ULK4: variants seen among roughly 807,000 people sequenced by gnomAD.
The protein encoded by ULK4 is unc-51 like kinase 4, also known as inactive serine/threonine-protein kinase ULK4.
Under a neutral mutation model 160.6 loss-of-function variants are expected in ULK4, and 133 were observed. That is an observed-to-expected ratio of 0.83 (90% CI 0.72 to 0.96). The LOEUF is 0.96. Among genes scored for constraint, ULK4 ranks in the 40% least tolerant of loss-of-function variants. The probability of loss-of-function intolerance (pLI) is 0.00; values close to 1 mark genes in which losing one functional copy is unlikely to be tolerated. For missense variants in ULK4, 1,580 were observed against 1,499.5 expected (o/e 1.05, Z -0.89); for synonymous variants, 534 against 539.8 (o/e 0.99, Z 0.15).
At chr3:41,646,654 T>A (rs1185278999) in intron 30 of ULK4, among the ~76,000 whole-genome samples, 2 of 152,216 alleles carry the variant, frequency 1.3e-5, no homozygotes, top group South Asian at 4.1e-4. Context: ...CTATGGTGAA[T>A]CTGACAATTA....
chr3:41,706,900 T>TAGAGACAG (rs2036920796), intron 25 of ULK4, among the ~76,000 whole-genome samples: 4 of 136,382 alleles, frequency 2.9e-5, no homozygotes, highest in African/African-American at 1.2e-4. Flanking sequence ...TATATATATA[T>TAGAGACAG]AGAGAGAGAG....
intron 35 of ULK4, among the ~76,000 whole-genome samples, chr3:41,374,861 A>G (rs1275559557): frequency 6.6e-6 from 1 of 152,254 alleles, no homozygotes; most frequent in Non-Finnish European, 1.5e-5. Flanking sequence ...CCGTTTGCAC[A>G]TGACATGACT....
intron 1 of ULK4, among the ~76,000 whole-genome samples, chr3:41,957,503 A>G (rs75349092): frequency 6.6e-6 from 1 of 151,556 alleles, no homozygotes; most frequent in Non-Finnish European, 1.5e-5. Context: ...CTGGAAAGAT[A>G]TGTTAGACTA....
chr3:41,720,368 C>G (rs531322492), intron 22 of ULK4, among the ~76,000 whole-genome samples: 1 of 152,204 alleles, frequency 6.6e-6, no homozygotes, highest in East Asian at 1.9e-4. Flanking sequence ...TTTCTTAATT[C>G]TGCTATTTAG....
intron 35 of ULK4, among the ~76,000 whole-genome samples, chr3:41,383,928 C>A (rs1015915936): frequency 9.2e-5 from 14 of 152,184 alleles, no homozygotes; most frequent in Admixed American, 9.2e-4. Context: ...TCCCCTCAGG[C>A]ATTAAAATTA....
intron 30 of ULK4, among the ~76,000 whole-genome samples, chr3:41,659,105 T>C (rs1346263329): frequency 1.3e-5 from 2 of 152,188 alleles, no homozygotes; most frequent in Non-Finnish European, 1.5e-5. Context: ...AACCTGTTTA[T>C]TTATTTATTT....
intron 35 of ULK4, among the ~76,000 whole-genome samples, chr3:41,377,617 G>GA (rs2081537041): frequency 6.9e-6 from 1 of 145,178 alleles, no homozygotes; most frequent in South Asian, 2.3e-4. Flanking sequence ...AAAAACACAT[G>GA]AAAAAATGCT....
chr3:41,497,929 A>T (rs560516499), intron 32 of ULK4, among the ~76,000 whole-genome samples: 62 of 152,286 alleles, frequency 4.1e-4, no homozygotes, highest in African/African-American at 1.5e-3. Context: ...TGATATAACT[A>T]ATTAGATAGA....
intron 35 of ULK4, among the ~76,000 whole-genome samples, chr3:41,314,735 GA>G (rs1406503455): frequency 4.6e-5 from 7 of 152,140 alleles, no homozygotes; most frequent in Non-Finnish European, 8.8e-5. Context: ...GAAATTTGTT[GA>G]AAAATTTGGT....
At chr3:41,588,977 G>A (rs1236274861) in intron 31 of ULK4, among the ~76,000 whole-genome samples, 1 of 152,062 alleles carries the variant, frequency 6.6e-6, no homozygotes, top group East Asian at 1.9e-4. Context: ...CATGGTCCCT[G>A]CCTTTTGTTA....
chr3:41,629,553 G>A lies in ULK4; in HGVS notation c.3072-13836C>T, dbSNP rs185217928. 2.3e-3 allele frequency among the ~76,000 whole-genome samples: 351 copies of A among 152,254 alleles called. 4 individuals are homozygous for A. The highest frequency in any genetic ancestry group is 1.7e-3 in the Non-Finnish European group (114 of 68,022). On this transcript the variant is annotated intron_variant, in intron 30 of 36. Coordinates refer to ENST00000301831, the MANE Select transcript of ULK4 (RefSeq NM_017886.4). ...TATGAAGGCAGTCCAGATTCAAATG[G>A]AGTGCAACTAGACTCCACCTCTTGA... is the stretch of plus-strand genomic sequence containing the variant.
At chr3:41,472,180 T>C (rs76112417) in intron 32 of ULK4, among the ~76,000 whole-genome samples, 2,448 of 152,080 alleles carry the variant, frequency 0.016, 58 homozygotes, top group African/African-American at 0.051. Context: ...ATAAGAGCTA[T>C]TGTAAACAAC....
At chr3:41,584,810 A>G (rs1035209478) in intron 31 of ULK4, among the ~76,000 whole-genome samples, 2 of 152,234 alleles carry the variant, frequency 1.3e-5, no homozygotes, top group Non-Finnish European at 2.9e-5. Context: ...AGAATAACCA[A>G]GAACAATCTT....
At chr3:41,779,965 C>T (rs1297830495) in intron 21 of ULK4, among the ~76,000 whole-genome samples, 1 of 122,486 alleles carries the variant, frequency 8.2e-6, no homozygotes, top group Non-Finnish European at 1.6e-5. Context: ...TGCACATGTA[C>T]CCTAAAACTT....
rs2084451796 is a variant in ULK4 at position 41,484,628 on chromosome 3, A to AT, written c.3227-21376dup. Among the ~76,000 whole-genome samples the AT allele has an allele frequency of 2.0e-5, 3 of 151,874 alleles. No individual in the cohort carries two copies. In the South Asian group the frequency reaches 6.3e-4, roughly 32 times the overall value. On this transcript the variant is annotated intron_variant, in intron 32 of 36. Transcript: ENST00000301831. Reference sequence around the variant, plus strand: ...CCACCACACCCGGCTAATTTTTTGTATTTTTAGTAGAGACGGGGTTTCACC... The same window carrying AT: ...CCACCACACCCGGCTAATTTTTTGTATTTTTTAGTAGAGACGGGGTTTCACC...
At chr3:41,757,671 T>C (rs1433165902) in intron 21 of ULK4, among the ~76,000 whole-genome samples, 2 of 148,630 alleles carry the variant, frequency 1.3e-5, no homozygotes, top group Non-Finnish European at 3.0e-5. Context: ...TCTCACTCTG[T>C]CGCCCAGGCT....
intron 17 of ULK4, among the ~76,000 whole-genome samples, chr3:41,860,502 T>C (rs1358031637): frequency 6.6e-6 from 1 of 152,238 alleles, no homozygotes; most frequent in Admixed American, 6.5e-5. Flanking sequence ...TTACAGATTT[T>C]GTCTTGAAAT....
intron 32 of ULK4, among the ~76,000 whole-genome samples, chr3:41,524,817 A>T (rs556025657): frequency 6.6e-6 from 1 of 152,256 alleles, no homozygotes; most frequent in African/African-American, 2.4e-5. Flanking sequence ...ACGTGCCTGT[A>T]GTCCAAGCTA....
In ULK4 at chr3:41,661,907, C is replaced by A. The variant is rs370653748; in HGVS notation, c.3071+1700G>T. 1.0e-3 allele frequency among the ~76,000 whole-genome samples: 152 copies of A among 152,120 alleles called. 4 individuals carry two copies. In the South Asian group the frequency reaches 0.031, roughly 31 times the overall value. Reference sequence around the variant, plus strand: ...CTGTTTCTACTTCTCTAGGGTTTTTCTCTTCAATATGAGGAAATTAAGCTG... The same window carrying A: ...CTGTTTCTACTTCTCTAGGGTTTTTATCTTCAATATGAGGAAATTAAGCTG... On this transcript the variant is annotated intron_variant, in intron 30 of 36. Transcript: ENST00000301831.
Sources: gnomAD v4.1 joint callset for allele counts (sites outside exome capture counted in the v4.1 genomes callset) on GRCh38, gnomAD v4.1.1 for gene constraint, MANE v1.5 for transcripts, NCBI Gene and HGNC (gene_info 2026-07-23, HGNC 2026-07-21) for gene names.